DLGAP2: variants seen among roughly 807,000 people sequenced by gnomAD.
DLGAP2 encodes the protein disks large-associated protein 2.
DLGAP2 carries 26 observed loss-of-function variants against 100.3 expected under a neutral mutation model. The observed-to-expected ratio is 0.26, with a 90% CI of 0.19 to 0.36. The LOEUF (loss-of-function observed/expected upper bound fraction) is 0.36, where lower values mean the gene tolerates loss of function less well. Among genes scored for constraint, DLGAP2 ranks in the 10% least tolerant of loss-of-function variants. The pLI, the probability that DLGAP2 is intolerant of heterozygous loss-of-function variation, is 1.00. For missense variants in DLGAP2, 1,858 were observed against 1,453.2 expected (o/e 1.28, Z -4.53); for synonymous variants, 886 against 630.1 (o/e 1.41, Z -6.08).
At chr8:1,367,068 CTG>C (rs1192552072) in intron 3 of DLGAP2, among the ~76,000 whole-genome samples, 1 of 152,028 alleles carries the variant, frequency 6.6e-6, no homozygotes, top group Non-Finnish European at 1.5e-5. Flanking sequence ...GTAAATAACA[CTG>C]TTAACATTTA....
rs891515177 is a variant in DLGAP2, at chr8:1,567,989, C to G, written c.1442+2095C>G. Among the ~76,000 whole-genome samples, 8 of 152,262 alleles carry G rather than the reference C, an allele frequency of 5.3e-5. No homozygotes were observed. The East Asian group carries it at 1.5e-3, about 29-fold the overall frequency. On this transcript the variant is annotated intron_variant, in intron 6 of 14. Coordinates refer to ENST00000637795, the MANE Select transcript of DLGAP2 (RefSeq NM_001346810.2). ...CGTTACTCCTGTTCTAAACACAAAT[C>G]CACTCTGCCCGTGGACCCCCATGCC... is the stretch of plus-strand genomic sequence containing the variant.
At chr8:1,535,372 A>T (rs1801122890) in intron 4 of DLGAP2, among the ~76,000 whole-genome samples, 2 of 152,190 alleles carry the variant, frequency 1.3e-5, no homozygotes, top group Non-Finnish European at 2.9e-5. Flanking sequence ...TTATCCTCTC[A>T]ATCACCCACA....
chr8:787,383 T>C (rs1444505724), intron 1 of DLGAP2, among the ~76,000 whole-genome samples: 1 of 152,220 alleles, frequency 6.6e-6, no homozygotes, highest in African/African-American at 2.4e-5. Flanking sequence ...CCATGCTCGT[T>C]GCAAGCCGAG....
chr8:1,559,161 C>T (rs1802075109), intron 5 of DLGAP2, among the ~76,000 whole-genome samples: 1 of 152,164 alleles, frequency 6.6e-6, no homozygotes, highest in Admixed American at 6.5e-5. Flanking sequence ...TGAACATCAC[C>T]CATCACTAGG....
chr8:1,423,028 G>A (rs981085756), intron 3 of DLGAP2, among the ~76,000 whole-genome samples: 5 of 152,206 alleles, frequency 3.3e-5, no homozygotes, highest in Non-Finnish European at 5.9e-5. Context: ...AGGATACATG[G>A]TGCTCATCAT....
intron 3 of DLGAP2, among the ~76,000 whole-genome samples, chr8:1,474,530 C>T (rs373047754): frequency 1.5e-4 from 23 of 152,260 alleles, no homozygotes; most frequent in East Asian, 1.2e-3. Flanking sequence ...ATCACGTCCA[C>T]GCCAACATTA....
chr8:1,317,932 G>A (rs80056943), intron 3 of DLGAP2, among the ~76,000 whole-genome samples: 1 of 75,070 alleles, frequency 1.3e-5, no homozygotes, highest in Non-Finnish European at 2.4e-5. Context: ...ACTCGTCAGC[G>A]TTTAAAAATA....
chr8:1,092,462 G>A (rs1036271813), intron 2 of DLGAP2, among the ~76,000 whole-genome samples: 1 of 152,132 alleles, frequency 6.6e-6, no homozygotes, highest in Non-Finnish European at 1.5e-5. Context: ...TCTTTGCCCC[G>A]TGGTTCCTGC....
At chr8:1,543,074 G>A (rs1406508088) in intron 4 of DLGAP2, among the ~76,000 whole-genome samples, 1 of 152,182 alleles carries the variant, frequency 6.6e-6, no homozygotes, top group Non-Finnish European at 1.5e-5. Context: ...TTATAATGGA[G>A]TTGTCAGATT....
intron 2 of DLGAP2, among the ~76,000 whole-genome samples, chr8:997,862 A>T (rs1800826167): frequency 6.9e-6 from 1 of 145,686 alleles, no homozygotes; most frequent in African/African-American, 2.5e-5. Context: ...ACACACATAC[A>T]CACAAACACA....
At chr8:1,506,508 G>A (rs931116003) in intron 4 of DLGAP2, among the ~76,000 whole-genome samples, 19 of 152,192 alleles carry the variant, frequency 1.2e-4, no homozygotes, top group Non-Finnish European at 8.8e-5. Flanking sequence ...GAGTGTTGCA[G>A]CTCATAAAAG....
chr8:1,654,042 T>C (rs981701759), intron 8 of DLGAP2, among the ~76,000 whole-genome samples: 1 of 152,244 alleles, frequency 6.6e-6, no homozygotes, highest in African/African-American at 2.4e-5. Context: ...ATTTGCCATG[T>C]GCATGGTAAA....
intron 1 of DLGAP2, among the ~76,000 whole-genome samples, chr8:827,989 T>C (rs1209365668): frequency 6.6e-6 from 1 of 152,154 alleles, no homozygotes; most frequent in Non-Finnish European, 1.5e-5. Flanking sequence ...AACCAGCAAG[T>C]CTTTATTAGG....
chr8:1,161,740 C>G (rs953919449), intron 2 of DLGAP2, among the ~76,000 whole-genome samples: 1 of 152,178 alleles, frequency 6.6e-6, no homozygotes, highest in South Asian at 2.1e-4. Flanking sequence ...GTGGAGCCGT[C>G]CTGTGTAGAT....
intron 1 of DLGAP2, among the ~76,000 whole-genome samples, chr8:828,454 C>T (rs572453088): frequency 9.8e-4 from 150 of 152,296 alleles, no homozygotes; most frequent in South Asian, 5.0e-3. Flanking sequence ...GGCTCTGTTC[C>T]GCCCAGCTCA....
At chr8:1,101,658 CTCG>C (rs1804584529) in intron 2 of DLGAP2, among the ~76,000 whole-genome samples, 1 of 151,482 alleles carries the variant, frequency 6.6e-6, no homozygotes, top group African/African-American at 2.4e-5. Flanking sequence ...TGGGAAGGTC[CTCG>C]TCACCCCTGA....
In DLGAP2 at chr8:1,678,338, C is replaced by T. The variant is rs1247385049; in HGVS notation, c.2413C>T (p.Arg805Trp). ...CCTTCAGTTCGGCTCATCCTTCCAGCGGCACTCCGAGCCCAGCACCCCCAC... is the reference window on the plus strand; with the variant it reads ...CCTTCAGTTCGGCTCATCCTTCCAGTGGCACTCCGAGCCCAGCACCCCCAC... ...KGLQFGSSFQ[R>W]HSEPSTPTQY... Residue 805 changes from arginine to tryptophan, a missense_variant, in exon 12 of 15, where the codon CGG becomes TGG. By Grantham distance (101) the Arg-to-Trp change is moderately radical. Transcript: ENST00000637795. The T allele has an allele frequency of 8.1e-6, 13 of 1,614,016 alleles. No homozygotes were observed. The highest frequency in any genetic ancestry group is 2.2e-5 in the East Asian group (1 of 44,880).
At chr8:840,048 G>A (rs1364119507) in intron 1 of DLGAP2, among the ~76,000 whole-genome samples, 2 of 73,896 alleles carry the variant, frequency 2.7e-5, no homozygotes, top group African/African-American at 1.2e-4. Flanking sequence ...CACGGTGCAC[G>A]CCTGCACGTC....
intron 2 of DLGAP2, among the ~76,000 whole-genome samples, chr8:969,527 C>T (rs1005216138): frequency 9.4e-5 from 14 of 149,552 alleles, no homozygotes; most frequent in African/African-American, 3.4e-4. Flanking sequence ...TTTTAGGAAT[C>T]TTGTGTGCCA....
Sources: allele counts gnomAD v4.1 joint callset (sites outside exome capture counted in the v4.1 genomes callset), GRCh38; gene constraint gnomAD v4.1.1; transcripts MANE v1.5; gene names NCBI Gene and HGNC (gene_info 2026-07-23, HGNC 2026-07-21).